The following AP1G1 variants were observed in gnomAD, a reference collection of about 807,000 sequenced individuals.
The protein encoded by AP1G1 is AP-1 complex subunit gamma-1.
A neutral mutation model predicts 108.3 loss-of-function variants in AP1G1; 7 were observed. That is an observed-to-expected ratio of 0.06 (90% CI 0.04 to 0.12). The LOEUF is 0.12. Ranked by LOEUF, AP1G1 falls within the 10% of genes least tolerant of loss-of-function variation. The probability of loss-of-function intolerance (pLI) is 1.00; values close to 1 mark genes in which losing one functional copy is unlikely to be tolerated. For missense variants in AP1G1, 756 were observed against 1,010.7 expected (o/e 0.75, Z 3.42); for synonymous variants, 379 against 353.5 (o/e 1.07, Z -0.81).
At chr16:71,801,159 T>C (rs1210036927) in intron 1 of AP1G1, among the ~76,000 whole-genome samples, 1 of 151,990 alleles carries the variant, frequency 6.6e-6, no homozygotes, top group African/African-American at 2.4e-5. Flanking sequence ...ATACAAAAAT[T>C]ATCTGGGTGT....
At chr16:71,750,186 A>G (rs759205449) in intron 14 of AP1G1, 24 bp downstream of exon 14, 3 of 1,610,414 alleles carry the variant, frequency 1.9e-6, no homozygotes, top group African/African-American at 1.3e-5. Flanking sequence ...ATTACCCCCT[A>G]AAATAGTTGA....
intron 1 of AP1G1, among the ~76,000 whole-genome samples, chr16:71,798,882 C>G (rs891729764): frequency 1.3e-5 from 2 of 151,246 alleles, no homozygotes; most frequent in Non-Finnish European, 2.9e-5. Context: ...GGGTGAGACT[C>G]TGTCTCCCAG....
intron 11 of AP1G1, among the ~76,000 whole-genome samples, chr16:71,758,001 C>A (rs2030888477): frequency 6.6e-6 from 1 of 152,188 alleles, no homozygotes; most frequent in South Asian, 2.1e-4. Flanking sequence ...CTTATAAAAT[C>A]TTTTGCAAAG....
chr16:71,794,835 CTTTTTTTT>C (rs55761928), intron 1 of AP1G1, among the ~76,000 whole-genome samples: 63 of 39,658 alleles, frequency 1.6e-3, no homozygotes, highest in African/African-American at 5.0e-3. Context: ...ATGAGAAGTG[CTTTTTTTT>C]TTTTTTTTTT....
chr16:71,806,028 T>TA (rs1156851550), intron 1 of AP1G1, among the ~76,000 whole-genome samples: 29 of 37,294 alleles, frequency 7.8e-4, no homozygotes, highest in African/African-American at 2.3e-3. Context: ...ACAATAAAAA[T>TA]AATAAAAAAA....
At chr16:71,757,989 T>C (rs897701135) in intron 11 of AP1G1, among the ~76,000 whole-genome samples, 2 of 152,186 alleles carry the variant, frequency 1.3e-5, no homozygotes, top group African/African-American at 4.8e-5. Flanking sequence ...ACTGAGAGGG[T>C]ACTTATAAAA....
intron 15 of AP1G1, among the ~76,000 whole-genome samples, chr16:71,748,805 G>C (rs950826273): frequency 1.3e-5 from 2 of 152,144 alleles, no homozygotes; most frequent in African/African-American, 4.8e-5. Flanking sequence ...GAGGGTAAGA[G>C]AAACAGTAAT....
At chr16:71,805,388 G>C (rs1475110915) in intron 1 of AP1G1, among the ~76,000 whole-genome samples, 1 of 150,856 alleles carries the variant, frequency 6.6e-6, no homozygotes, top group East Asian at 2.0e-4. Flanking sequence ...GGTGGAGGTT[G>C]CACAGTGAGC....
At chr16:71,773,690 C>T (rs1438844730) in intron 3 of AP1G1, among the ~76,000 whole-genome samples, 7 of 152,122 alleles carry the variant, frequency 4.6e-5, no homozygotes, top group African/African-American at 1.7e-4. Context: ...CACCTGTAAT[C>T]CTAGCACTTT....
chr16:71,746,880 T>G, intron 16 of AP1G1, 188 bp from the exon 17 acceptor site: 1 of 463,662 alleles, frequency 2.2e-6, no homozygotes, highest in South Asian at 2.8e-5. Context: ...CATTATACTA[T>G]TCTCATTGTA....
intron 1 of AP1G1, among the ~76,000 whole-genome samples, chr16:71,800,216 A>G (rs1367108974): frequency 1.9e-5 from 2 of 103,460 alleles, no homozygotes; most frequent in Non-Finnish European, 4.2e-5. Context: ...AAAAAATACA[A>G]AAAAATTAGC....
intron 2 of AP1G1, among the ~76,000 whole-genome samples, chr16:71,783,546 T>G (rs1314846003): frequency 6.6e-6 from 1 of 152,212 alleles, no homozygotes; most frequent in African/African-American, 2.4e-5. Flanking sequence ...GAAATTTTTT[T>G]TTAATTTTTT....
intron 1 of AP1G1, among the ~76,000 whole-genome samples, chr16:71,802,590 C>G (rs2032844016): frequency 6.6e-6 from 1 of 152,050 alleles, no homozygotes; most frequent in African/African-American, 2.4e-5. Flanking sequence ...ATTAACTGGG[C>G]ATGGTGGCGG....
intron 1 of AP1G1, among the ~76,000 whole-genome samples, chr16:71,806,533 G>A (rs774056922): frequency 6.6e-6 from 1 of 152,164 alleles, no homozygotes. Context: ...GAGCCACTGA[G>A]CGCCCGCCTG....
chr16:71,763,256 T>G (rs970862753), intron 9 of AP1G1, among the ~76,000 whole-genome samples: 1 of 152,170 alleles, frequency 6.6e-6, no homozygotes, highest in Non-Finnish European at 1.5e-5. Flanking sequence ...GAGTAAAAAG[T>G]AGAAAAAACA....
chr16:71,772,955 A>G (rs1449127769), intron 4 of AP1G1: 3 of 504,534 alleles, frequency 5.9e-6, no homozygotes, highest in Non-Finnish European at 1.1e-5. Context: ...TCTGTTCATA[A>G]TCACCTTGCT....
In AP1G1 at chr16:71,756,055, G is replaced by C; in HGVS notation, c.1193C>G (p.Ala398Gly). The C allele has an allele frequency of 6.2e-7, 1 of 1,613,246 alleles. No homozygotes were observed. Among genetic ancestry groups the C allele is most frequent in the Non-Finnish European group, 8.5e-7 (1 of 1,179,630 alleles). ...FLDSCEPEFK[A>G]DCASGIFLAA... ...AAGAAAGATTCCAGATGCACAGTCT[G>C]CTTTAAATTCTGGCTCACACGAATC... The change falls in exon 12 of 23, where the codon GCA (alanine) becomes GGA (glycine). Residue 398 changes from alanine to glycine, a missense_variant. Around this residue, in one of 3 missense-constraint regions of AP1G1, gnomAD observed 357 missense variants for 366.5 expected, o/e 0.97. Coordinates refer to ENST00000299980, the MANE Select transcript of AP1G1 (RefSeq NM_001128.6).
In AP1G1 at chr16:71,756,114, G is replaced by C. The variant is rs778605818; in HGVS notation, c.1134C>G (p.Ile378Met). ...LSFALVNGNN[I>M]RGMMKELLYF... ...AAAGTAATTCTTTCATCATGCCTCG[G>C]ATATTATTCCCATTTACCAGGGCAA... Residue 378 changes from isoleucine (I) to methionine (M), a missense_variant, in exon 12 of 23, where the codon ATC (isoleucine) becomes ATG (methionine). By Grantham distance (10) the Ile-to-Met change is conservative. Around this residue, in one of 3 missense-constraint regions of AP1G1, gnomAD observed 304 missense variants for 483.6 expected, o/e 0.63. Coordinates refer to ENST00000299980, the MANE Select transcript of AP1G1 (RefSeq NM_001128.6). The C allele has an allele frequency of 6.2e-7, 1 of 1,613,634 alleles. No individual in the cohort carries two copies. Among genetic ancestry groups the C allele is most frequent in the South Asian group, 1.1e-5 (1 of 90,922 alleles).
chr16:71,798,230 A>C (rs1178163603), intron 1 of AP1G1, among the ~76,000 whole-genome samples: 1 of 151,702 alleles, frequency 6.6e-6, no homozygotes, highest in Non-Finnish European at 1.5e-5. Context: ...GGATCACTTG[A>C]GGCCATGAGT....
Sources: allele counts gnomAD v4.1 joint callset (sites outside exome capture counted in the v4.1 genomes callset), GRCh38; gene constraint gnomAD v4.1.1; regional missense constraint gnomAD v4.1.1; transcripts MANE v1.5; gene names NCBI Gene and HGNC (gene_info 2026-07-23, HGNC 2026-07-21).